The following UBR2 variants were observed in gnomAD, a reference collection of about 807,000 sequenced individuals.
The protein encoded by UBR2 is E3 ubiquitin-protein ligase UBR2.
Under a neutral mutation model 247.9 loss-of-function variants are expected in UBR2, and 92 were observed. The ratio of observed to expected loss-of-function variants is 0.37; its 90% CI spans 0.31 to 0.44. The LOEUF (loss-of-function observed/expected upper bound fraction) is 0.44. UBR2 is among the 20% of genes least tolerant of loss of function. The pLI is 1.00. For missense variants in UBR2, 1,613 were observed against 2,112.6 expected, an observed-to-expected ratio of 0.76 and a Z score of 4.64; for synonymous variants, 672 against 693.5, an observed-to-expected ratio of 0.97 and a Z score of 0.49.
chr6:42,600,025 T>C (rs918328245), intron 4 of UBR2, among the ~76,000 whole-genome samples: 9 of 152,356 alleles, frequency 5.9e-5, no homozygotes, highest in Admixed American at 2.0e-4. Context: ...TATGAGATAA[T>C]TGAGGTTGTT....
At chr6:42,655,020 A>C (rs763067327) in intron 25 of UBR2, among the ~76,000 whole-genome samples, 5 of 152,224 alleles carry the variant, frequency 3.3e-5, no homozygotes, top group Non-Finnish European at 1.5e-5. Flanking sequence ...GGTATAGAAT[A>C]AAACTTACAT....
chr6:42,564,281 T>A lies in UBR2; in HGVS notation c.-39T>A. On this transcript the variant is annotated 5_prime_UTR_variant, in exon 1 of 47. Coordinates refer to ENST00000372901, the MANE Select transcript of UBR2 (RefSeq NM_001363705.2). ...CGGGGCCGAGGTGAGGCTGCAGCTC[T>A]CCGGGCGGCGGTAGCGCTGGGGAGG... 6.3e-7 allele frequency: 1 copy of A among 1,589,964 alleles called. No homozygotes were observed. The highest frequency in any genetic ancestry group is 8.5e-7 in the Non-Finnish European group (1 of 1,169,642).
intron 1 of UBR2, among the ~76,000 whole-genome samples, chr6:42,565,826 C>T (rs546517899): frequency 4.4e-4 from 67 of 152,228 alleles, no homozygotes; most frequent in Admixed American, 7.2e-4. Context: ...TCCCAAAGTG[C>T]TGGGATTACA....
chr6:42,676,693 T>G (rs1798738496), intron 39 of UBR2, 90 bp from the exon 40 acceptor site: 1 of 1,014,510 alleles, frequency 9.9e-7, no homozygotes, highest in Non-Finnish European at 1.5e-6. Context: ...TATGTGAGTT[T>G]ATGAATATAT....
chr6:42,607,396 G>A (rs763419196), intron 7 of UBR2, among the ~76,000 whole-genome samples: 12 of 151,946 alleles, frequency 7.9e-5, no homozygotes, highest in Non-Finnish European at 1.6e-4. Context: ...TCAAACTCCT[G>A]GGCTCAAGTG....
At chr6:42,614,402 A>G (rs1794377661) in intron 8 of UBR2, among the ~76,000 whole-genome samples, 1 of 67,298 alleles carries the variant, frequency 1.5e-5, no homozygotes, top group Non-Finnish European at 3.2e-5. Context: ...GTACATACAT[A>G]CGTATGTATG....
At chr6:42,645,633 CCCTG>C (rs1365677400) in intron 21 of UBR2, 43 bp downstream of exon 21, 2 of 1,596,290 alleles carry the variant, frequency 1.3e-6, no homozygotes, top group East Asian at 2.2e-5. Flanking sequence ...AGAAACTTTT[CCCTG>C]CCTATCAGTC....
Position 42,652,761 on chromosome 6 carries a change from T to A in UBR2, c.2769+116T>A, listed in dbSNP as rs1001188671. 7.4e-6 allele frequency: 7 copies of A among 947,090 alleles called. No homozygotes were observed. In the African/African-American group the frequency reaches 1.2e-4, roughly 16 times the overall value. The allele number at this position is 947,090 out of a possible 1,614,324, so 58.7% of individuals were successfully genotyped here. A position where few individuals can be genotyped will look rare whatever the true frequency, so the allele number is the denominator to read the frequency against. The stretch of plus-strand genomic sequence containing the variant: ...CCGAAATGTATTGTGTTTTCCTAAC[T>A]TGAATATATTGTTACTGCTTTTGTG... On this transcript the variant is annotated intron_variant, in intron 25 of 46. Coordinates refer to ENST00000372901, the MANE Select transcript of UBR2 (RefSeq NM_001363705.2).
chr6:42,662,077 C>G, intron 30 of UBR2, 107 bp from the exon 31 acceptor site: 2 of 683,438 alleles, frequency 2.9e-6, no homozygotes, highest in Non-Finnish European at 4.8e-6. Context: ...CATTTCATTT[C>G]AAATTTCAAG....
At chr6:42,665,617 T>A in intron 33 of UBR2, 105 bp downstream of exon 33, 1 of 876,702 alleles carries the variant, frequency 1.1e-6, no homozygotes, top group Non-Finnish European at 1.8e-6. Context: ...ATTTAAAATT[T>A]TGACTCATTC....
intron 11 of UBR2, among the ~76,000 whole-genome samples, chr6:42,620,847 C>T (rs543408528): frequency 2.4e-4 from 37 of 152,184 alleles, no homozygotes; most frequent in African/African-American, 8.7e-4. Context: ...CTCTGTCACC[C>T]AGGCTGTAGT....
rs1417286282 is a variant in UBR2, at chr6:42,573,956, C to A, written c.301C>A (p.Arg101Ser). 8.7e-6 allele frequency: 14 copies of A among 1,610,422 alleles called. No individual in the cohort carries two copies. Among genetic ancestry groups the A allele is most frequent in the South Asian group, 3.3e-5 (3 of 90,402 alleles). Residue 101 changes from arginine to serine, a missense_variant, in exon 2 of 47, where the codon CGT becomes AGT. Arg to Ser is a moderately radical substitution (Grantham distance 110). Transcript: ENST00000372901. Reference protein sequence around the residue: ...QANKPSHLCGRVFKVGEPTYS... With the variant: ...QANKPSHLCGSVFKVGEPTYS... ...AAACAAACCTTCTCATCTTTGTGGT[C>A]GTGTTTTTAAAGTAGGAGAGCCTAC...
At chr6:42,569,212 A>G (rs1669034198) in intron 1 of UBR2, among the ~76,000 whole-genome samples, 3 of 152,184 alleles carry the variant, frequency 2.0e-5, no homozygotes, top group Admixed American at 1.3e-4. Flanking sequence ...GGTGGGTCAT[A>G]TGTTAACTAT....
At position 42,659,346 on chromosome 6, in the gene UBR2, A is replaced by G. The variant is rs923492970; in HGVS notation, c.3243-310A>G. On this transcript the variant is annotated intron_variant, in intron 29 of 46. Transcript: ENST00000372901. The surrounding 1 kb of genome is among the most constrained non-coding windows in gnomAD (Gnocchi z 4.3). ...CCATCTCTACTAAAAATACAAAAAAAAAAAATTAGCCGGGTGTGGTGGTGC... is the reference window on the plus strand; with the variant it reads ...CCATCTCTACTAAAAATACAAAAAAGAAAAATTAGCCGGGTGTGGTGGTGC... Among the ~76,000 whole-genome samples the G allele has an allele frequency of 6.6e-6, 1 of 151,714 alleles. No homozygotes were observed. The highest frequency in any genetic ancestry group is 1.9e-4 in the East Asian group (1 of 5,170).
intron 30 of UBR2, among the ~76,000 whole-genome samples, chr6:42,661,098 C>T (rs1243533532): frequency 2.0e-5 from 3 of 151,654 alleles, no homozygotes; most frequent in Non-Finnish European, 4.4e-5. Flanking sequence ...TCAAGACCAT[C>T]CTGGCTAACA....
chr6:42,663,338 G>A lies in UBR2; in HGVS notation c.3617G>A (p.Gly1206Glu). The A allele has an allele frequency of 6.2e-7, 1 of 1,613,860 alleles. No homozygotes were observed. Among genetic ancestry groups the A allele is most frequent in the Non-Finnish European group, 8.5e-7 (1 of 1,179,920 alleles). Reference sequence around the variant, plus strand: ...CATACGAGCTATGATGTAGAAAACGGAGAATTCCTTTGCCCCCTTTGTGAA... The same window carrying A: ...CATACGAGCTATGATGTAGAAAACGAAGAATTCCTTTGCCCCCTTTGTGAA... ...RLHTSYDVEN[G>E]EFLCPLCECL... Residue 1206 changes from glycine to glutamate, a missense_variant, in exon 32 of 47, where the codon GGA becomes GAA. Gly to Glu is a moderately conservative substitution (Grantham distance 98). This residue lies in a region of UBR2 where 1,524 missense variants were observed against 1,967.3 expected (regional missense o/e 0.77). Coordinates refer to ENST00000372901, the MANE Select transcript of UBR2 (RefSeq NM_001363705.2).
rs189511399 is a variant in UBR2, at chr6:42,636,797, T to C, written c.1675-214T>C. Among the ~76,000 whole-genome samples the C allele has an allele frequency of 3.9e-4, 59 of 152,174 alleles. 1 individual carries two copies. The highest frequency in any genetic ancestry group is 3.8e-3 in the Admixed American group (58 of 15,294). ...TGGGGAATGGGGGAAAGGAGGGTAT[T>C]GGAATAACTTCTAGATTTCTGCACT... On this transcript the variant is annotated intron_variant, in intron 14 of 46. Coordinates refer to ENST00000372901, the MANE Select transcript of UBR2 (RefSeq NM_001363705.2).
intron 11 of UBR2, among the ~76,000 whole-genome samples, chr6:42,624,763 A>G (rs1795229151): frequency 6.6e-6 from 1 of 152,170 alleles, no homozygotes; most frequent in African/African-American, 2.4e-5. Flanking sequence ...ATCACAAGTA[A>G]TGCAAAGTCT....
At chr6:42,668,020 A>G (rs1798224821) in intron 34 of UBR2, among the ~76,000 whole-genome samples, 1 of 151,916 alleles carries the variant, frequency 6.6e-6, no homozygotes, top group South Asian at 2.1e-4. Context: ...CAGCCTCCCA[A>G]AGTGCTGGGA....
Sources: allele counts gnomAD v4.1 joint callset (sites outside exome capture counted in the v4.1 genomes callset), GRCh38; gene constraint gnomAD v4.1.1; regional missense constraint gnomAD v4.1.1; non-coding constraint Gnocchi (gnomAD v3.1); transcripts MANE v1.5; gene names NCBI Gene and HGNC (gene_info 2026-07-23, HGNC 2026-07-21).